The following CSNK2A1 variants were observed in gnomAD, a reference collection of about 807,000 sequenced individuals.
CSNK2A1 encodes the protein casein kinase 2 alpha 1, also known as casein kinase II subunit alpha.
In CSNK2A1, 10 loss-of-function variants were observed where a neutral mutation model predicts 62.9. That is an observed-to-expected ratio of 0.16 (90% CI 0.10 to 0.27). The LOEUF (loss-of-function observed/expected upper bound fraction) is 0.27. Ranked by LOEUF, CSNK2A1 falls within the 10% of genes least tolerant of loss-of-function variation. The probability of loss-of-function intolerance (pLI) is 1.00; values close to 1 mark genes in which losing one functional copy is unlikely to be tolerated. For missense variants in CSNK2A1, 160 were observed against 492.0 expected, an observed-to-expected ratio of 0.33 and a Z score of 6.38; for synonymous variants, 124 against 167.8, an observed-to-expected ratio of 0.74 and a Z score of 2.02.
intron 1 of CSNK2A1, among the ~76,000 whole-genome samples, chr20:541,904 A>T (rs1408353729): frequency 1.3e-5 from 2 of 152,216 alleles, no homozygotes; most frequent in Non-Finnish European, 2.9e-5. Flanking sequence ...TCACAGAAGG[A>T]CAAAAACATG....
At chr20:497,593 A>C in intron 7 of CSNK2A1, 128 bp downstream of exon 7, 1 of 715,648 alleles carries the variant, frequency 1.4e-6, no homozygotes, top group Non-Finnish European at 2.3e-6. Flanking sequence ...CTTATTAAAA[A>C]CTTATATAGA....
At chr20:506,348 A>G (rs1029719217) in intron 3 of CSNK2A1, 2 of 152,190 alleles carry the variant, frequency 1.3e-5, no homozygotes, top group Non-Finnish European at 2.9e-5. Flanking sequence ...GGCTTAATCT[A>G]TTTGCCCTCC....
intron 2 of CSNK2A1, chr20:527,017 G>GAGAC (rs2019110297): frequency 6.7e-6 from 1 of 149,800 alleles, no homozygotes; most frequent in African/African-American, 2.5e-5. Context: ...GAGAGAGAGA[G>GAGAC]AGAGAGAGAG....
chr20:505,725 T>G (rs1269533570), intron 3 of CSNK2A1, among the ~76,000 whole-genome samples: 1 of 151,702 alleles, frequency 6.6e-6, no homozygotes, highest in African/African-American at 2.4e-5. Flanking sequence ...ATCCTAGAAT[T>G]AGAAAAACTT....
intron 13 of CSNK2A1, among the ~76,000 whole-genome samples, chr20:485,402 C>T (rs537648837): frequency 3.9e-5 from 6 of 152,042 alleles, no homozygotes; most frequent in East Asian, 3.9e-4. Context: ...AGGCTGGTCT[C>T]GAACTCCTGA....
rs975349714 is a variant in CSNK2A1 at position 499,999 on chromosome 20, G to A, written c.214-65C>T. On this transcript the variant is annotated intron_variant, in intron 4 of 13. Coordinates refer to ENST00000217244, the MANE Select transcript of CSNK2A1 (RefSeq NM_177559.3). This position sits in a 1 kb window ranked among gnomAD's most constrained non-coding sequence, Gnocchi z 4.2. ...AAATTTTTTCAGAGTATTTCAACACGTAGTGTAATACATAAATGATAAATG... is the reference window on the plus strand; with the variant it reads ...AAATTTTTTCAGAGTATTTCAACACATAGTGTAATACATAAATGATAAATG... 1.3e-5 allele frequency: 17 copies of A among 1,259,424 alleles called. No homozygotes were observed. The highest frequency in any genetic ancestry group is 2.3e-4 in the Middle Eastern group (1 of 4,274). The allele number at this position is 1,259,424 out of a possible 1,614,324, so 78.0% of individuals were successfully genotyped here.
At chr20:516,301 T>C (rs2018827695) in intron 2 of CSNK2A1, among the ~76,000 whole-genome samples, 1 of 152,222 alleles carries the variant, frequency 6.6e-6, no homozygotes, top group Non-Finnish European at 1.5e-5. Flanking sequence ...ACCGTCAGAA[T>C]GACTTTGAAG....
At chr20:525,822 T>A (rs1466866020) in intron 2 of CSNK2A1, among the ~76,000 whole-genome samples, 1 of 138,758 alleles carries the variant, frequency 7.2e-6, no homozygotes, top group African/African-American at 2.7e-5. Context: ...TCTATTTTTT[T>A]AACTTAAAAC....
At chr20:489,684 G>T in intron 10 of CSNK2A1, 96 bp downstream of exon 10, 1 of 938,142 alleles carries the variant, frequency 1.1e-6, no homozygotes, top group Admixed American at 2.5e-5. Context: ...ATCAATATCG[G>T]GGTGGCTGAA....
At chr20:528,556 T>C (rs543233450) in intron 1 of CSNK2A1, among the ~76,000 whole-genome samples, 3 of 152,108 alleles carry the variant, frequency 2.0e-5, no homozygotes, top group Non-Finnish European at 2.9e-5. Flanking sequence ...GCTGGGACCA[T>C]AGGCATACAC....
intron 11 of CSNK2A1, 135 bp from the exon 12 acceptor site, chr20:487,710 G>C: frequency 8.5e-7 from 1 of 1,175,800 alleles, no homozygotes; most frequent in Non-Finnish European, 1.2e-6. Flanking sequence ...GGGTAGTCTT[G>C]CACCGCTCTG....
At chr20:542,674 A>T (rs1600425866) in intron 1 of CSNK2A1, among the ~76,000 whole-genome samples, 1 of 151,452 alleles carries the variant, frequency 6.6e-6, no homozygotes, top group East Asian at 1.9e-4. Flanking sequence ...CTCGTGATCC[A>T]CCCGCCTCGG....
chr20:531,572 A>T (rs2019213445), intron 1 of CSNK2A1, among the ~76,000 whole-genome samples: 1 of 151,526 alleles, frequency 6.6e-6, no homozygotes, highest in African/African-American at 2.4e-5. Context: ...GTACATGTAC[A>T]TTTTTTTTTG....
chr20:512,983 C>T (rs2122584765), intron 2 of CSNK2A1, among the ~76,000 whole-genome samples: 1 of 152,292 alleles, frequency 6.6e-6, no homozygotes, highest in Middle Eastern at 3.4e-3. Context: ...TCTGTGACTA[C>T]TATGCCTGCC....
At position 486,254 on chromosome 20, in the gene CSNK2A1, TAA is replaced by T. The variant is rs956175226; in HGVS notation, c.1060+120_1060+121del. 12 of 1,075,870 alleles carry T rather than the reference TAA, an allele frequency of 1.1e-5. No individual in the cohort carries two copies. In the African/African-American group the frequency reaches 1.4e-4, roughly 13 times the overall value. 66.6% of individuals were successfully genotyped at this position (1,075,870 alleles called of 1,614,324 possible). The stretch of plus-strand genomic sequence containing the variant: ...AATGTCAAGCATGCTGAAACCTGGT[TAA>T]AAAAAAGTCACAAGGCCACCAGTAC... On this transcript the variant is annotated intron_variant, in intron 13 of 13. Transcript: ENST00000217244.
At chr20:516,637 A>G (rs1203172823) in intron 2 of CSNK2A1, among the ~76,000 whole-genome samples, 4 of 152,152 alleles carry the variant, frequency 2.6e-5, no homozygotes, top group African/African-American at 9.7e-5. Flanking sequence ...TTATTTTTCA[A>G]TTTGGCAACT....
At chr20:543,608 T>TCCGCTGCC in intron 1 of CSNK2A1, 64 bp downstream of exon 1, 1 of 397,178 alleles carries the variant, frequency 2.5e-6, no homozygotes, top group Non-Finnish European at 4.4e-6. Flanking sequence ...TCGGCCGCGC[T>TCCGCTGCC]CCGCTGCCCT....
At chr20:502,633 TAGAA>T (rs1359486262) in intron 4 of CSNK2A1, 1 of 152,200 alleles carries the variant, frequency 6.6e-6, no homozygotes, top group Non-Finnish European at 1.5e-5. Context: ...ACAATACAGT[TAGAA>T]AGACTGAGCT....
At chr20:522,296 T>C (rs2018968136) in intron 2 of CSNK2A1, among the ~76,000 whole-genome samples, 1 of 152,212 alleles carries the variant, frequency 6.6e-6, no homozygotes, top group Non-Finnish European at 1.5e-5. Context: ...AACTCTACAG[T>C]AGAAAAACCT....
Sources: gnomAD v4.1 joint callset for allele counts (sites outside exome capture counted in the v4.1 genomes callset) on GRCh38, gnomAD v4.1.1 for gene constraint, Gnocchi (gnomAD v3.1) non-coding constraint, MANE v1.5 for transcripts, NCBI Gene and HGNC (gene_info 2026-07-23, HGNC 2026-07-21) for gene names.